Variants in DYDC2 observed in about 807,000 individuals in gnomAD.
DYDC2 encodes DPY30 domain containing 2.
In DYDC2, 19 loss-of-function variants were observed where a neutral mutation model predicts 18.7. The ratio of observed to expected loss-of-function variants is 1.02; its 90% CI spans 0.71 to 1.49. The LOEUF (loss-of-function observed/expected upper bound fraction) is 1.49, where lower values mean the gene tolerates loss of function less well. Ranked by LOEUF, DYDC2 falls within the 40% of genes most tolerant of loss-of-function variation. The pLI is 0.00. For missense variants in DYDC2, 179 were observed against 205.1 expected (o/e 0.87, Z 0.78); for synonymous variants, 63 against 67.6 (o/e 0.93, Z 0.34).
upstream of DYDC2, among the ~76,000 whole-genome samples, chr10:80,354,097 C>G (rs1482185818): frequency 2.0e-5 from 3 of 150,056 alleles, no homozygotes; most frequent in Admixed American, 2.0e-4. Context: ...GCCTGGGCGA[C>G]AGAGTGAGAC....
intron 1 of DYDC2, among the ~76,000 whole-genome samples, chr10:80,348,001 GA>G (rs2132806903): frequency 6.6e-6 from 1 of 152,260 alleles, no homozygotes; most frequent in Non-Finnish European, 1.5e-5. Flanking sequence ...AATGCCATTG[GA>G]ATTTTGATAG....
At chr10:80,356,559 G>A (rs1843380711), upstream of DYDC2, 3 of 985,476 alleles carry the variant, frequency 3.0e-6, no homozygotes, top group Non-Finnish European at 2.4e-6. Flanking sequence ...GGCCGCTTTC[G>A]GGAGCCCCAG....
intron 1 of DYDC2, among the ~76,000 whole-genome samples, chr10:80,350,766 T>G (rs543235960): frequency 6.6e-6 from 1 of 152,344 alleles, no homozygotes; most frequent in East Asian, 1.9e-4. Flanking sequence ...GGTAGAACTA[T>G]GGAAGTGGCT....
chr10:80,357,818 C>T (rs972425383), intron 1 of DYDC2, 75 bp from the exon 2 acceptor site: 4 of 985,102 alleles, frequency 4.1e-6, no homozygotes, highest in African/African-American at 3.5e-5. Context: ...CCAGATTGGG[C>T]GTGGAAAAAT....
chr10:80,356,458 G>A (rs983307288), upstream of DYDC2: 7 of 985,196 alleles, frequency 7.1e-6, no homozygotes, highest in Non-Finnish European at 8.4e-6. Flanking sequence ...GGGGCGCTCA[G>A]TGTGGTTTTC....
At chr10:80,361,205 G>A (rs902085655) in intron 2 of DYDC2, among the ~76,000 whole-genome samples, 7 of 151,908 alleles carry the variant, frequency 4.6e-5, no homozygotes, top group Admixed American at 4.6e-4. Flanking sequence ...AAGAGTACAG[G>A]GTAGTTGCTT....
upstream of DYDC2, among the ~76,000 whole-genome samples, chr10:80,354,699 A>G (rs1014676386): frequency 2.0e-5 from 3 of 152,112 alleles, no homozygotes; most frequent in African/African-American, 7.2e-5. Flanking sequence ...CCTTATAAAA[A>G]GAGATGGGAG....
chr10:80,365,256 C>T (rs1843792642), intron 4 of DYDC2, among the ~76,000 whole-genome samples: 1 of 152,042 alleles, frequency 6.6e-6, no homozygotes, highest in East Asian at 1.9e-4. Flanking sequence ...AAAAGAGGAA[C>T]AGAAACAGAA....
At chr10:80,353,294 C>T (rs1433755283), upstream of DYDC2, among the ~76,000 whole-genome samples, 5 of 151,918 alleles carry the variant, frequency 3.3e-5, no homozygotes, top group African/African-American at 1.2e-4. Context: ...CCCAGCACAC[C>T]CTGGGCTCTA....
intron 3 of DYDC2, among the ~76,000 whole-genome samples, 161 bp from the exon 4 acceptor site, chr10:80,362,790 G>T (rs1048143006): frequency 6.6e-6 from 1 of 152,168 alleles, no homozygotes; most frequent in Non-Finnish European, 1.5e-5. Flanking sequence ...ACGAGCTGTG[G>T]AGTTGAAGGG....
At chr10:80,356,776 G>A (rs1330022051), upstream of DYDC2, 1 of 985,488 alleles carries the variant, frequency 1.0e-6, no homozygotes, top group Non-Finnish European at 1.2e-6. Context: ...GAGAGCTCGC[G>A]CCTCAGGAGC....
chr10:80,347,298 TTTTTTTTGCTATTGAG>T (rs1842720125), intron 1 of DYDC2, among the ~76,000 whole-genome samples: 1 of 91,498 alleles, frequency 1.1e-5, no homozygotes, highest in Non-Finnish European at 2.3e-5. Context: ...TTTTTTTTTT[TTTTTTTTGCTATTGAG>T]TTTGCATTCC....
chr10:80,361,550 T>C (rs975136533), intron 2 of DYDC2, among the ~76,000 whole-genome samples: 1 of 152,248 alleles, frequency 6.6e-6, no homozygotes, highest in African/African-American at 2.4e-5. Context: ...AGTTATACTA[T>C]GGTGGTGAGG....
At chr10:80,355,447 T>G (rs748166893), upstream of DYDC2, among the ~76,000 whole-genome samples, 1 of 152,098 alleles carries the variant, frequency 6.6e-6, no homozygotes, top group Admixed American at 6.5e-5. Flanking sequence ...AAATCACATA[T>G]GCATTCACCC....
upstream of DYDC2, chr10:80,352,787 G>T: frequency 2.8e-6 from 2 of 723,988 alleles, no homozygotes; most frequent in East Asian, 6.8e-5. Context: ...TTTCCAAAAG[G>T]GCTCCAAGGA....
chr10:80,355,553 T>G (rs1843314387), upstream of DYDC2, among the ~76,000 whole-genome samples: 1 of 152,156 alleles, frequency 6.6e-6, no homozygotes, highest in African/African-American at 2.4e-5. Flanking sequence ...CAGCATTATT[T>G]ACAATAGTCA....
chr10:80,349,282 T>A (rs1342272918), intron 1 of DYDC2, among the ~76,000 whole-genome samples: 2 of 152,252 alleles, frequency 1.3e-5, no homozygotes, highest in Admixed American at 6.5e-5. Flanking sequence ...AAAACTTTTT[T>A]AAATTCTCAA....
intron 2 of DYDC2, among the ~76,000 whole-genome samples, chr10:80,358,268 C>T (rs1201457919): frequency 1.3e-5 from 2 of 152,132 alleles, no homozygotes; most frequent in African/African-American, 4.8e-5. Context: ...ATCCCAGCTC[C>T]TCAGGAGGCT....
At chr10:80,355,389 G>C (rs78428935), upstream of DYDC2, among the ~76,000 whole-genome samples, 771 of 152,106 alleles carry the variant, frequency 5.1e-3, 4 homozygotes, top group African/African-American at 0.018. Context: ...AGTGGTGGGA[G>C]GGCAAAATGG....
Sources: allele counts gnomAD v4.1 joint callset (sites outside exome capture counted in the v4.1 genomes callset), GRCh38; gene constraint gnomAD v4.1.1; transcripts MANE v1.5; gene names NCBI Gene and HGNC (gene_info 2026-07-23, HGNC 2026-07-21).